KCNMB2: variants seen among roughly 807,000 people sequenced by gnomAD.
KCNMB2 encodes the protein potassium calcium-activated channel subfamily M regulatory beta subunit 2, also known as calcium-activated potassium channel subunit beta-2.
KCNMB2 carries 9 observed loss-of-function variants against 24.5 expected under a neutral mutation model. The observed-to-expected ratio is 0.37, with a 90% CI of 0.22 to 0.64. KCNMB2 has a LOEUF of 0.64. Ranked by LOEUF, KCNMB2 falls within the 30% of genes least tolerant of loss-of-function variation. The pLI is 0.63. For missense variants in KCNMB2, 226 were observed against 284.3 expected (o/e 0.79, Z 1.47); for synonymous variants, 109 against 104.4 (o/e 1.04, Z -0.27).
intron 1 of KCNMB2, among the ~76,000 whole-genome samples, chr3:178,677,189 G>T (rs1001331102): frequency 1.1e-4 from 17 of 152,118 alleles, no homozygotes; most frequent in African/African-American, 4.1e-4. Flanking sequence ...CACAACTCTG[G>T]GAGTGGAACA....
chr3:178,628,586 T>C (rs1719201187), intron 1 of KCNMB2, among the ~76,000 whole-genome samples: 1 of 152,164 alleles, frequency 6.6e-6, no homozygotes, highest in South Asian at 2.1e-4. Context: ...TTTTGTTAAG[T>C]ATCCAGCTCC....
intron 2 of KCNMB2, among the ~76,000 whole-genome samples, chr3:178,813,927 C>G (rs759908547): frequency 6.6e-6 from 1 of 151,896 alleles, no homozygotes; most frequent in Non-Finnish European, 1.5e-5. Flanking sequence ...TTGAACGACC[C>G]CTACTCTCAT....
At chr3:178,698,021 G>A (rs891637891) in intron 1 of KCNMB2, among the ~76,000 whole-genome samples, 2 of 152,078 alleles carry the variant, frequency 1.3e-5, no homozygotes, top group African/African-American at 4.8e-5. Context: ...TTTCTCTCTA[G>A]CTGCCTTTAA....
At chr3:178,555,538 G>T (rs1327319193) in intron 1 of KCNMB2, among the ~76,000 whole-genome samples, 1 of 152,138 alleles carries the variant, frequency 6.6e-6, no homozygotes, top group Non-Finnish European at 1.5e-5. Flanking sequence ...TCATATGATG[G>T]GTGAGCAATC....
At chr3:178,664,061 T>C (rs1720631286) in intron 1 of KCNMB2, among the ~76,000 whole-genome samples, 1 of 152,134 alleles carries the variant, frequency 6.6e-6, no homozygotes, top group South Asian at 2.1e-4. Flanking sequence ...TTTTAATGTC[T>C]TTAGACTTGG....
intron 1 of KCNMB2, among the ~76,000 whole-genome samples, chr3:178,798,297 G>A (rs1311863640): frequency 6.6e-6 from 1 of 152,082 alleles, no homozygotes; most frequent in Non-Finnish European, 1.5e-5. Flanking sequence ...TTATTATTTT[G>A]AGGTATGTTC....
intron 1 of KCNMB2, among the ~76,000 whole-genome samples, chr3:178,727,123 T>C (rs932552098): frequency 6.6e-6 from 1 of 152,090 alleles, no homozygotes; most frequent in Non-Finnish European, 1.5e-5. Context: ...TAACAGGAAA[T>C]AGCCATATAC....
At chr3:178,588,150 C>T (rs984204821) in intron 1 of KCNMB2, among the ~76,000 whole-genome samples, 10 of 151,914 alleles carry the variant, frequency 6.6e-5, no homozygotes, top group Non-Finnish European at 1.3e-4. Context: ...TAACAGAGCA[C>T]CTGTACAACA....
chr3:178,717,927 T>G (rs766585792), intron 1 of KCNMB2, among the ~76,000 whole-genome samples: 73 of 152,118 alleles, frequency 4.8e-4, no homozygotes, highest in South Asian at 4.1e-4. Flanking sequence ...TGGTGACTCC[T>G]GAGAATCTGA....
Position 178,770,830 on chromosome 3 carries a change from G to A in KCNMB2, c.-67-36513G>A, listed in dbSNP as rs112677435. Among the ~76,000 whole-genome samples, 186 of 152,190 alleles carry A rather than the reference G, an allele frequency of 1.2e-3. 2 individuals are homozygous for A. The highest frequency in any genetic ancestry group is 3.9e-3 in the African/African-American group (164 of 41,546). On this transcript the variant is annotated intron_variant, in intron 1 of 4. Transcript: ENST00000452583. ...GTATTAGCTTCACCTAAGAGAAGCC[G>A]AGGCTTCCAGGAGACGTACCTCACA... is the stretch of plus-strand genomic sequence containing the variant.
At chr3:178,586,188 G>A (rs1230612946) in intron 1 of KCNMB2, among the ~76,000 whole-genome samples, 1 of 152,190 alleles carries the variant, frequency 6.6e-6, no homozygotes, top group Admixed American at 6.5e-5. Context: ...GTTTAGGATG[G>A]AGGATTTGAC....
At chr3:178,794,570 A>G (rs1560024507) in intron 1 of KCNMB2, among the ~76,000 whole-genome samples, 2 of 152,224 alleles carry the variant, frequency 1.3e-5, no homozygotes, top group Non-Finnish European at 2.9e-5. Context: ...GGAATGAAGT[A>G]ATACCATTCC....
At chr3:178,592,290 AGACTATGGGAAT>A (rs769041502) in intron 1 of KCNMB2, among the ~76,000 whole-genome samples, 2 of 152,162 alleles carry the variant, frequency 1.3e-5, no homozygotes, top group Non-Finnish European at 2.9e-5. Flanking sequence ...GCGTTATTTC[AGACTATGGGAAT>A]GTAAGAGTGC....
chr3:178,754,634 T>C (rs1285103173), intron 1 of KCNMB2, among the ~76,000 whole-genome samples: 1 of 152,156 alleles, frequency 6.6e-6, no homozygotes, highest in Non-Finnish European at 1.5e-5. Context: ...GATTTGATGT[T>C]ATGTCATGCG....
intron 1 of KCNMB2, among the ~76,000 whole-genome samples, chr3:178,772,275 T>TA (rs1456721429): frequency 6.6e-6 from 1 of 152,234 alleles, no homozygotes; most frequent in Non-Finnish European, 1.5e-5. Flanking sequence ...CAAATGTCTA[T>TA]AATTTCATTT....
At chr3:178,607,404 TA>T (rs1718311732) in intron 1 of KCNMB2, among the ~76,000 whole-genome samples, 1 of 152,158 alleles carries the variant, frequency 6.6e-6, no homozygotes. Flanking sequence ...TTTTTGTTTT[TA>T]AAATGCCTGC....
chr3:178,797,898 G>A (rs1313148432), intron 1 of KCNMB2, among the ~76,000 whole-genome samples: 1 of 152,000 alleles, frequency 6.6e-6, no homozygotes, highest in Admixed American at 6.6e-5. Context: ...TTTGTAGCAA[G>A]TGTGAATGGG....
chr3:178,631,163 A>G (rs1452589050), intron 1 of KCNMB2, among the ~76,000 whole-genome samples: 1 of 152,210 alleles, frequency 6.6e-6, no homozygotes, highest in Non-Finnish European at 1.5e-5. Context: ...CCTCCTTAAT[A>G]TGGTTCATCG....
intron 1 of KCNMB2, among the ~76,000 whole-genome samples, chr3:178,717,737 C>A (rs1722664145): frequency 6.6e-6 from 1 of 152,068 alleles, no homozygotes; most frequent in South Asian, 2.1e-4. Context: ...CTGCTGTATG[C>A]CAGGCACTCT....
Sources: gnomAD v4.1 joint callset for allele counts (sites outside exome capture counted in the v4.1 genomes callset) on GRCh38, gnomAD v4.1.1 for gene constraint, MANE v1.5 for transcripts, NCBI Gene and HGNC (gene_info 2026-07-23, HGNC 2026-07-21) for gene names.